The following ESYT3 variants were observed in gnomAD, a reference collection of about 807,000 sequenced individuals.
ESYT3 encodes extended synaptotagmin 3.
In ESYT3, 101 loss-of-function variants were observed where a neutral mutation model predicts 111.5. The observed-to-expected ratio is 0.91, with a 90% CI of 0.77 to 1.07. The LOEUF is 1.07. ESYT3 is among the 50% of genes least tolerant of loss of function. ESYT3 has a pLI of 0.00. For synonymous variants in ESYT3, 416 were observed against 446.8 expected, an observed-to-expected ratio of 0.93 and a Z score of 0.87; for missense variants, 1,097 against 1,109.4, an observed-to-expected ratio of 0.99 and a Z score of 0.16.
At chr3:138,480,731 A>G (rs1459815178), downstream of ESYT3, 1 of 152,210 alleles carries the variant, frequency 6.6e-6, no homozygotes, top group Non-Finnish European at 1.5e-5. Flanking sequence ...CAAATTAATT[A>G]TATGTTTAAT....
rs2033554044 is a variant in ESYT3, at chr3:138,477,751, C to CA, written c.*899dup. ...CAAAGTATTAAATTATATGCTTAAACAAGCGCCTCTTTTACATTTCAGACT... is the reference window on the plus strand; with the variant it reads ...CAAAGTATTAAATTATATGCTTAAACAAAGCGCCTCTTTTACATTTCAGACT... On this transcript the variant is annotated 3_prime_UTR_variant, in exon 23 of 23. Coordinates refer to ENST00000389567, the MANE Select transcript of ESYT3 (RefSeq NM_031913.5). 6.6e-6 allele frequency: 1 copy of CA among 152,276 alleles called. No individual in the cohort carries two copies. Among genetic ancestry groups the CA allele is most frequent in the East Asian group, 1.9e-4 (1 of 5,184 alleles). The allele number at this position is 152,276 out of a possible 1,614,324, so 9.4% of individuals were successfully genotyped here.
intron 14 of ESYT3, 72 bp downstream of exon 14, chr3:138,468,953 C>T: frequency 6.7e-7 from 1 of 1,485,892 alleles, no homozygotes; most frequent in Non-Finnish European, 9.4e-7. Flanking sequence ...AACCACAACC[C>T]CATGTCTTCT....
chr3:138,460,722 C>T, intron 7 of ESYT3, 56 bp downstream of exon 7: 4 of 1,567,470 alleles, frequency 2.6e-6, no homozygotes, highest in Non-Finnish European at 3.5e-6. Flanking sequence ...CTCCAGGGCT[C>T]TGCAGCCAGT....
intron 6 of ESYT3, 80 bp from the exon 7 acceptor site, chr3:138,460,531 G>A: frequency 6.9e-7 from 1 of 1,448,934 alleles, no homozygotes; most frequent in Non-Finnish European, 9.7e-7. Flanking sequence ...ATTCACATGG[G>A]TGTGAGGCTC....
downstream of ESYT3, chr3:138,480,197 A>G (rs2033660223): frequency 6.6e-6 from 1 of 152,216 alleles, no homozygotes; most frequent in South Asian, 2.1e-4. Flanking sequence ...AATAAACAAC[A>G]CTATTAAAAT....
chr3:138,452,422 T>G (rs2032003994), intron 2 of ESYT3, among the ~76,000 whole-genome samples: 1 of 152,200 alleles, frequency 6.6e-6, no homozygotes, highest in African/African-American at 2.4e-5. Context: ...CTGCCTGGTT[T>G]CCTGCCTAGA....
chr3:138,448,659 C>T (rs1307101069), intron 1 of ESYT3, among the ~76,000 whole-genome samples: 1 of 151,754 alleles, frequency 6.6e-6, no homozygotes, highest in Non-Finnish European at 1.5e-5. Context: ...CTTCAAGTTC[C>T]AAAAAAAGAC....
chr3:138,474,013 C>T (rs563786241), intron 19 of ESYT3, among the ~76,000 whole-genome samples: 35 of 152,322 alleles, frequency 2.3e-4, no homozygotes, highest in African/African-American at 8.4e-4. Flanking sequence ...GATATTTTGT[C>T]CTCTAAATTC....
chr3:138,449,653 A>G (rs2031795849), intron 1 of ESYT3, among the ~76,000 whole-genome samples: 1 of 152,176 alleles, frequency 6.6e-6, no homozygotes, highest in Admixed American at 6.5e-5. Context: ...CAGCTCCTGA[A>G]GTCACAAAAC....
chr3:138,446,349 C>T (rs896020823), intron 1 of ESYT3, among the ~76,000 whole-genome samples: 6 of 152,344 alleles, frequency 3.9e-5, no homozygotes, highest in Middle Eastern at 3.4e-3. Context: ...CACTCCACTA[C>T]TGGAGATTAT....
At position 138,460,045 on chromosome 3, in the gene ESYT3, AG is replaced by A. The variant is rs774997752; in HGVS notation, c.738+13del. The A allele has an allele frequency of 6.2e-7, 1 of 1,613,124 alleles. No homozygotes were observed. Among genetic ancestry groups the A allele is most frequent in the South Asian group, 1.1e-5 (1 of 91,060 alleles). On this transcript the variant is annotated intron_variant, in intron 6 of 22. Coordinates refer to ENST00000389567, the MANE Select transcript of ESYT3 (RefSeq NM_031913.5). ...TTCCTTCAGAAGCCGGTGAGTCCCA[AG>A]GACTGCGGTAAGCCTGCTGCTCCCT...
intron 2 of ESYT3, among the ~76,000 whole-genome samples, chr3:138,452,647 G>C (rs571099771): frequency 5.9e-5 from 9 of 152,268 alleles, no homozygotes; most frequent in African/African-American, 2.2e-4. Flanking sequence ...CCTTGGCCGA[G>C]CCCTCCCCAG....
chr3:138,436,389 C>G (rs530689566), intron 1 of ESYT3, among the ~76,000 whole-genome samples: 3 of 152,186 alleles, frequency 2.0e-5, no homozygotes, highest in African/African-American at 7.2e-5. Context: ...GATTAAGGCT[C>G]ACCCTAATGA....
rs1457255807 is a variant in ESYT3, at chr3:138,478,136, T to TAATA, written c.*1283_*1286dup. On this transcript the variant is annotated 3_prime_UTR_variant, in exon 23 of 23. Coordinates refer to ENST00000389567, the MANE Select transcript of ESYT3 (RefSeq NM_031913.5). ...TGTTGATACTGAGTATTTTCCATTT[T>TAATA]AATAGTTCCCAGCCTTTATAACACT... 2 of 152,234 alleles carry TAATA rather than the reference T, an allele frequency of 1.3e-5. No individual in the cohort carries two copies. The highest frequency in any genetic ancestry group is 2.9e-5 in the Non-Finnish European group (2 of 68,048). The allele number at this position is 152,234 out of a possible 1,614,324, so 9.4% of individuals were successfully genotyped here. A position where few individuals can be genotyped will look rare whatever the true frequency, so the allele number is the denominator to read the frequency against.
chr3:138,460,472 G>C, intron 6 of ESYT3, 139 bp from the exon 7 acceptor site: 1 of 892,780 alleles, frequency 1.1e-6, no homozygotes. Flanking sequence ...GGCAGAGGGT[G>C]CTCTGCCTGC....
At chr3:138,439,096 G>A (rs9822472) in intron 1 of ESYT3, among the ~76,000 whole-genome samples, 126 of 152,158 alleles carry the variant, frequency 8.3e-4, no homozygotes, top group Admixed American at 3.1e-3. Flanking sequence ...TGTAGGCCTC[G>A]GCAAGCCACA....
At chr3:138,443,662 C>T (rs913682059) in intron 1 of ESYT3, among the ~76,000 whole-genome samples, 1 of 152,046 alleles carries the variant, frequency 6.6e-6, no homozygotes, top group Non-Finnish European at 1.5e-5. Context: ...TTTGCACATG[C>T]GTGTGAGTCT....
chr3:138,451,925 G>T (rs2031957221), intron 1 of ESYT3, 123 bp from the exon 2 acceptor site: 1 of 1,078,246 alleles, frequency 9.3e-7, no homozygotes, highest in Admixed American at 1.8e-5. Context: ...ACGTGGAGGC[G>T]GCGGGGAGGA....
chr3:138,448,745 A>G (rs1161193527), intron 1 of ESYT3, among the ~76,000 whole-genome samples: 1 of 152,222 alleles, frequency 6.6e-6, no homozygotes, highest in Admixed American at 6.5e-5. Flanking sequence ...TTGCTCCCTA[A>G]GAATCAGTCT....
Sources: gnomAD v4.1 joint callset for allele counts (sites outside exome capture counted in the v4.1 genomes callset) on GRCh38, gnomAD v4.1.1 for gene constraint, MANE v1.5 for transcripts, NCBI Gene and HGNC (gene_info 2026-07-23, HGNC 2026-07-21) for gene names.